Variants in UNC13C observed in about 807,000 individuals in gnomAD.
The protein encoded by UNC13C is protein unc-13 homolog C.
UNC13C carries 174 observed loss-of-function variants against 245.4 expected under a neutral mutation model. That is an observed-to-expected ratio of 0.71 (90% CI 0.63 to 0.80). The LOEUF (loss-of-function observed/expected upper bound fraction) is 0.80. Ranked by LOEUF, UNC13C falls within the 30% of genes least tolerant of loss-of-function variation. The pLI is 0.00. For synonymous variants in UNC13C, 992 were observed against 895.1 expected, an observed-to-expected ratio of 1.11 and a Z score of -1.93; for missense variants, 2,829 against 2,602.9, an observed-to-expected ratio of 1.09 and a Z score of -1.89.
At chr15:54,380,322 A>G (rs1301689664) in intron 17 of UNC13C, among the ~76,000 whole-genome samples, 1 of 152,126 alleles carries the variant, frequency 6.6e-6, no homozygotes, top group Non-Finnish European at 1.5e-5. Flanking sequence ...TTAACACTAC[A>G]TAGGATTCCA....
intron 24 of UNC13C, among the ~76,000 whole-genome samples, chr15:54,524,213 T>C: frequency 6.7e-6 from 1 of 149,808 alleles, no homozygotes; most frequent in Admixed American, 6.6e-5. Flanking sequence ...CTCACTCTTA[T>C]AGAAGTCTCT....
At chr15:54,280,816 G>A (rs770745370) in intron 10 of UNC13C, among the ~76,000 whole-genome samples, 10 of 148,772 alleles carry the variant, frequency 6.7e-5, no homozygotes, top group Non-Finnish European at 7.4e-5. Context: ...TAAAAAAATT[G>A]TGACAGAGTC....
chr15:54,412,278 C>G (rs1336384372), intron 18 of UNC13C, among the ~76,000 whole-genome samples: 1 of 152,010 alleles, frequency 6.6e-6, no homozygotes, highest in Non-Finnish European at 1.5e-5. Context: ...CTCACAGTTC[C>G]ACATGGTGAG....
rs1895615107 is a variant in UNC13C, at chr15:54,015,598, G to C, written c.2695G>C (p.Asp899His). The change falls in exon 2 of 33, where the codon GAT becomes CAT. Residue 899 changes from aspartate to histidine, a missense_variant. Coordinates refer to ENST00000260323, the MANE Select transcript of UNC13C (RefSeq NM_001080534.3). ...LENRTSITET[D>H]EQMQAYDHLS... ...AAACAGGACTAGTATTACTGAAACAGATGAACAAATGCAAGCATATGATCA... is the reference window on the plus strand; with the variant it reads ...AAACAGGACTAGTATTACTGAAACACATGAACAAATGCAAGCATATGATCA... 1 of 1,613,700 alleles carries C rather than the reference G, an allele frequency of 6.2e-7. No homozygotes were observed. Among genetic ancestry groups the C allele is most frequent in the African/African-American group, 1.3e-5 (1 of 74,916 alleles).
chr15:54,550,883 G>A (rs2141183758), intron 28 of UNC13C, among the ~76,000 whole-genome samples: 1 of 152,248 alleles, frequency 6.6e-6, no homozygotes, highest in South Asian at 2.1e-4. Context: ...AACCATGAAG[G>A]TGAAATAACA....
At chr15:54,262,408 A>G (rs1316927165) in intron 8 of UNC13C, among the ~76,000 whole-genome samples, 5 of 152,228 alleles carry the variant, frequency 3.3e-5, no homozygotes, top group Non-Finnish European at 5.9e-5. Flanking sequence ...CTTGCAGGGA[A>G]CATTTTCCAG....
In UNC13C at chr15:54,501,289, C is replaced by A. The variant is rs541145047; in HGVS notation, c.5301+311C>A. 2.0e-5 allele frequency among the ~76,000 whole-genome samples: 3 copies of A among 152,216 alleles called. No homozygotes were observed. In the East Asian group the frequency reaches 5.8e-4, roughly 29 times the overall value. Reference sequence around the variant, plus strand: ...TGGTGTTTTCTAGCTGAAAGTAAGCCTTGGCAATTTCACATTCAAATTGCC... The same window carrying A: ...TGGTGTTTTCTAGCTGAAAGTAAGCATTGGCAATTTCACATTCAAATTGCC... On this transcript the variant is annotated intron_variant, in intron 22 of 32. Coordinates refer to ENST00000260323, the MANE Select transcript of UNC13C (RefSeq NM_001080534.3).
At chr15:54,282,554 G>A (rs2037026009) in intron 10 of UNC13C, among the ~76,000 whole-genome samples, 1 of 152,148 alleles carries the variant, frequency 6.6e-6, no homozygotes, top group Non-Finnish European at 1.5e-5. Context: ...AACCCCAGAG[G>A]GGGTGTTACA....
intron 19 of UNC13C, among the ~76,000 whole-genome samples, chr15:54,475,485 C>G (rs1375410615): frequency 2.6e-5 from 4 of 151,040 alleles, no homozygotes; most frequent in East Asian, 2.0e-4. Context: ...AGTCCCCAGA[C>G]TGTGATGTTC....
chr15:54,390,413 C>G (rs1395546900), intron 17 of UNC13C, among the ~76,000 whole-genome samples: 1 of 152,038 alleles, frequency 6.6e-6, no homozygotes, highest in Non-Finnish European at 1.5e-5. Flanking sequence ...AATCCTATAA[C>G]CTGGCAACTT....
At chr15:54,549,993 C>T (rs1322505969) in intron 28 of UNC13C, among the ~76,000 whole-genome samples, 2 of 152,112 alleles carry the variant, frequency 1.3e-5, no homozygotes, top group East Asian at 3.9e-4. Context: ...CCAAGAAACA[C>T]AGTACGGGAA....
At chr15:54,254,995 C>T (rs935443047) in intron 8 of UNC13C, among the ~76,000 whole-genome samples, 7 of 152,170 alleles carry the variant, frequency 4.6e-5, no homozygotes, top group African/African-American at 1.7e-4. Context: ...TTCCCATGTC[C>T]TCCTTGCAGG....
At chr15:54,186,083 G>A (rs1180324184) in intron 4 of UNC13C, among the ~76,000 whole-genome samples, 1 of 151,594 alleles carries the variant, frequency 6.6e-6, no homozygotes, top group Non-Finnish European at 1.5e-5. Flanking sequence ...TCTGTTATTG[G>A]TGTATAAGAA....
intron 19 of UNC13C, among the ~76,000 whole-genome samples, chr15:54,489,475 C>T (rs1380902639): frequency 6.6e-6 from 1 of 152,158 alleles, no homozygotes; most frequent in Admixed American, 6.5e-5. Flanking sequence ...AGGAGACAGC[C>T]TCAATGTATG....
intron 2 of UNC13C, among the ~76,000 whole-genome samples, chr15:54,139,986 A>C (rs931337014): frequency 2.3e-4 from 35 of 152,072 alleles, no homozygotes; most frequent in African/African-American, 8.2e-4. Flanking sequence ...TTAGTCATTA[A>C]ATTCTTGAGT....
At chr15:54,459,656 G>A (rs187219969) in intron 19 of UNC13C, among the ~76,000 whole-genome samples, 3 of 152,092 alleles carry the variant, frequency 2.0e-5, no homozygotes, top group Admixed American at 6.5e-5. Context: ...GAGTTCTGAA[G>A]TTCATTCTTC....
chr15:54,532,943 TA>T lies in UNC13C; in HGVS notation c.5577del (p.Lys1859AsnfsTer3). The T allele has an allele frequency of 6.3e-7, 1 of 1,576,240 alleles. No homozygotes were observed. Among genetic ancestry groups the T allele is most frequent in the Non-Finnish European group, 8.7e-7 (1 of 1,154,224 alleles). ...TTCCAGGTTATAATTGAAGAGTGTA[TA>T]AAACAGATGAGTTTCGAACTAAATC... ...ESFQVIIEECIKQMSFELNQM... is the reference protein window; with the variant it reads ...ESFQVIIEECXKQMSFELNQM... On this transcript the variant is annotated frameshift_variant, in exon 26 of 33. Coordinates refer to ENST00000260323, the MANE Select transcript of UNC13C (RefSeq NM_001080534.3). LOFTEE classifies it high-confidence loss of function.
At chr15:54,018,629 G>T (rs1250045523) in intron 2 of UNC13C, among the ~76,000 whole-genome samples, 1 of 152,110 alleles carries the variant, frequency 6.6e-6, no homozygotes, top group Non-Finnish European at 1.5e-5. Flanking sequence ...CAGCTGTCTT[G>T]ATTCCTACAC....
the UNC13C span, among the ~76,000 whole-genome samples, chr15:53,839,894 G>A: frequency 5.9e-5 from 9 of 151,976 alleles, no homozygotes; most frequent in Non-Finnish European, 1.2e-4. Context: ...AAGATTTATG[G>A]AAGACTGAAC....
Sources: allele counts gnomAD v4.1 joint callset (sites outside exome capture counted in the v4.1 genomes callset), GRCh38; gene constraint gnomAD v4.1.1; transcripts MANE v1.5; gene names NCBI Gene and HGNC (gene_info 2026-07-23, HGNC 2026-07-21).